The following SGCD variants were observed in gnomAD, a reference collection of about 807,000 sequenced individuals.
SGCD encodes the protein sarcoglycan delta.
Under a neutral mutation model 36.6 loss-of-function variants are expected in SGCD, and 18 were observed. That is an observed-to-expected ratio of 0.49 (90% CI 0.34 to 0.73). The LOEUF (loss-of-function observed/expected upper bound fraction) is 0.73, where lower values mean the gene tolerates loss of function less well. SGCD is among the 30% of genes least tolerant of loss of function. SGCD has a pLI of 0.01. For missense variants in SGCD, 387 were observed against 346.7 expected, an observed-to-expected ratio of 1.12 and a Z score of -0.92; for synonymous variants, 133 against 130.6, an observed-to-expected ratio of 1.02 and a Z score of -0.12.
chr5:155,901,994 T>C (rs1041713005), intron 1 of SGCD, among the ~76,000 whole-genome samples: 10 of 152,200 alleles, frequency 6.6e-5, no homozygotes, highest in Non-Finnish European at 1.5e-5. Context: ...TGTTTGTTCA[T>C]GAGTTGATAT....
intron 3 of SGCD, among the ~76,000 whole-genome samples, chr5:156,306,677 C>T (rs7704662): frequency 0.048 from 7,291 of 152,144 alleles, 361 homozygotes; most frequent in African/African-American, 0.12. Flanking sequence ...TTCTTCAGTG[C>T]CTCCTTTCTT....
At chr5:155,943,064 C>T (rs925946729) in intron 1 of SGCD, among the ~76,000 whole-genome samples, 2 of 152,164 alleles carry the variant, frequency 1.3e-5, no homozygotes, top group Non-Finnish European at 2.9e-5. Flanking sequence ...GAGTTGAGGA[C>T]AAAGTCCAGG....
intron 1 of SGCD, among the ~76,000 whole-genome samples, chr5:155,947,087 G>A (rs959298024): frequency 2.0e-5 from 3 of 152,192 alleles, no homozygotes; most frequent in Non-Finnish European, 4.4e-5. Context: ...GAGATGGGGA[G>A]GGAGATATGT....
chr5:155,974,151 T>C, intron 1 of SGCD, among the ~76,000 whole-genome samples: 1 of 152,158 alleles, frequency 6.6e-6, no homozygotes. Flanking sequence ...AAGCAGTTAC[T>C]ACATATTTAT....
intron 3 of SGCD, among the ~76,000 whole-genome samples, chr5:156,481,111 G>A (rs1356166749): frequency 1.3e-5 from 2 of 152,208 alleles, no homozygotes; most frequent in East Asian, 3.8e-4. Context: ...TTGGGGTAAA[G>A]ATTGGTATAA....
chr5:155,853,352 G>T, the SGCD span, among the ~76,000 whole-genome samples: 5 of 151,918 alleles, frequency 3.3e-5, no homozygotes, highest in East Asian at 9.7e-4. Context: ...AAATGGATTT[G>T]GATCACAGTT....
At chr5:156,361,331 G>A (rs962538378) in intron 3 of SGCD, among the ~76,000 whole-genome samples, 4 of 152,348 alleles carry the variant, frequency 2.6e-5, no homozygotes, top group East Asian at 1.9e-4. Flanking sequence ...GAGAAGCAGT[G>A]TAATTTACCA....
chr5:155,793,091 A>G, the SGCD span, among the ~76,000 whole-genome samples: 209 of 152,288 alleles, frequency 1.4e-3, no homozygotes, highest in Non-Finnish European at 2.3e-3. Flanking sequence ...AAATGAAATC[A>G]TATCCTTGGA....
chr5:156,297,351 C>T (rs556256160), intron 3 of SGCD, among the ~76,000 whole-genome samples: 237 of 151,916 alleles, frequency 1.6e-3, no homozygotes, highest in African/African-American at 4.0e-3. Context: ...ATGTTTATTG[C>T]GGCATTATTC....
intron 1 of SGCD, among the ~76,000 whole-genome samples, chr5:155,961,531 A>G (rs1200985347): frequency 6.6e-6 from 1 of 152,112 alleles, no homozygotes; most frequent in African/African-American, 2.4e-5. Context: ...CAGCCAACAA[A>G]CAAACATAGT....
At chr5:156,092,630 A>G (rs553222335) in intron 1 of SGCD, among the ~76,000 whole-genome samples, 46 of 152,176 alleles carry the variant, frequency 3.0e-4, no homozygotes, top group Non-Finnish European at 6.2e-4. Flanking sequence ...TAGATTTCCA[A>G]AGGAAAGGCT....
chr5:156,581,723 T>C (rs1760267003), intron 4 of SGCD, among the ~76,000 whole-genome samples: 1 of 152,218 alleles, frequency 6.6e-6, no homozygotes, highest in Non-Finnish European at 1.5e-5. Flanking sequence ...TGGGACCTGC[T>C]GAACTAGGCA....
chr5:156,582,677 G>T (rs1001933887), intron 4 of SGCD, among the ~76,000 whole-genome samples: 1 of 152,168 alleles, frequency 6.6e-6, no homozygotes, highest in Non-Finnish European at 1.5e-5. Flanking sequence ...AGCTTGACTA[G>T]CAAATTAGAA....
intron 2 of SGCD, among the ~76,000 whole-genome samples, chr5:156,343,407 G>A (rs6883105): frequency 0.023 from 3,484 of 152,284 alleles, 129 homozygotes; most frequent in African/African-American, 0.079. Flanking sequence ...GCTGTGCTCA[G>A]GAGACCTTGT....
chr5:156,294,641 T>C (rs1047767070), intron 3 of SGCD, among the ~76,000 whole-genome samples: 1 of 152,126 alleles, frequency 6.6e-6, no homozygotes, highest in African/African-American at 2.4e-5. Flanking sequence ...TTTTATGATA[T>C]TGAGATAGTT....
intron 3 of SGCD, among the ~76,000 whole-genome samples, chr5:156,491,430 C>T (rs1755931793): frequency 6.6e-6 from 1 of 151,998 alleles, no homozygotes; most frequent in South Asian, 2.1e-4. Flanking sequence ...ACTACTTGAT[C>T]TCAAAATGTA....
At chr5:156,493,588 A>T (rs914191760) in intron 3 of SGCD, among the ~76,000 whole-genome samples, 5 of 152,222 alleles carry the variant, frequency 3.3e-5, no homozygotes. Flanking sequence ...TTCCCTTTTT[A>T]AAGGATGGAT....
intron 4 of SGCD, 115 bp from the exon 5 acceptor site, chr5:156,589,116 C>T (rs1045360314): frequency 6.0e-6 from 4 of 670,434 alleles, no homozygotes; most frequent in Non-Finnish European, 7.9e-6. Context: ...TGAGTAAAGA[C>T]ACATTGATTG....
At chr5:156,022,440 T>A (rs1444335755) in intron 1 of SGCD, among the ~76,000 whole-genome samples, 3 of 152,222 alleles carry the variant, frequency 2.0e-5, no homozygotes, top group Non-Finnish European at 4.4e-5. Context: ...CAAATGTGAC[T>A]TCTAAAATAG....
Sources: allele counts gnomAD v4.1 joint callset (sites outside exome capture counted in the v4.1 genomes callset), GRCh38; gene constraint gnomAD v4.1.1; transcripts MANE v1.5; gene names NCBI Gene and HGNC (gene_info 2026-07-23, HGNC 2026-07-21).